SMPD3: variants seen among roughly 807,000 people sequenced by gnomAD.
SMPD3 encodes sphingomyelin phosphodiesterase 3, also known as nSMase-2.
In SMPD3, 21 loss-of-function variants were observed where a neutral mutation model predicts 55.7. The observed-to-expected ratio is 0.38, with a 90% confidence interval of 0.27 to 0.54. SMPD3 has a LOEUF of 0.54. Among genes scored for constraint, SMPD3 ranks in the 20% least tolerant of loss-of-function variants. The probability of loss-of-function intolerance (pLI) is 0.80; values close to 1 mark genes in which losing one functional copy is unlikely to be tolerated. For missense variants in SMPD3, 842 were observed against 899.6 expected (o/e 0.94, Z 0.82); for synonymous variants, 457 against 404.3 (o/e 1.13, Z -1.56).
intron 2 of SMPD3, among the ~76,000 whole-genome samples, chr16:68,378,325 A>G (rs2089869417): frequency 6.6e-6 from 1 of 151,996 alleles, no homozygotes; most frequent in South Asian, 2.1e-4. Context: ...ACTTAAGTCA[A>G]CTCGTGGCTG....
At position 68,371,185 on chromosome 16, in the gene SMPD3, C is replaced by T. The variant is rs1302477996; in HGVS notation, c.997G>A (p.Ala333Thr). ...LLYKASVVKK[A>T]AARRRRHPDE... The stretch of plus-strand genomic sequence containing the variant: ...GGGTGCCGCCTCCTGCGTGCAGCCG[C>T]CTTCTTCACCACCGAGGCCTTGTAC... Residue 333 changes from alanine (A) to threonine (T), a missense_variant, in exon 3 of 9, where the codon GCG becomes ACG. Transcript: ENST00000219334. 6.2e-7 allele frequency: 1 copy of T among 1,612,524 alleles called. No individual in the cohort carries two copies.
intron 1 of SMPD3, among the ~76,000 whole-genome samples, chr16:68,400,946 A>C (rs2090199912): frequency 6.6e-6 from 1 of 152,216 alleles, no homozygotes; most frequent in South Asian, 2.1e-4. Flanking sequence ...TAATCAGATT[A>C]TTGGATGCTT....
chr16:68,391,274 T>A (rs1421929281), intron 1 of SMPD3, among the ~76,000 whole-genome samples: 1 of 152,252 alleles, frequency 6.6e-6, no homozygotes, highest in Non-Finnish European at 1.5e-5. Flanking sequence ...GGAGATCAAC[T>A]TGACTGTAGA....
intron 1 of SMPD3, among the ~76,000 whole-genome samples, chr16:68,412,146 C>T (rs144844334): frequency 4.5e-4 from 68 of 152,210 alleles, no homozygotes; most frequent in Non-Finnish European, 8.1e-4. Flanking sequence ...AGGCCTGGGG[C>T]AACTTCCTAG....
chr16:68,386,758 G>C (rs1163065865), intron 1 of SMPD3, 99 bp from the exon 2 acceptor site: 1 of 152,330 alleles, frequency 6.6e-6, no homozygotes, highest in East Asian at 1.9e-4. Context: ...CAGGTACAAA[G>C]ACCAAGGGGC....
At chr16:68,398,755 A>G (rs909562570) in intron 1 of SMPD3, among the ~76,000 whole-genome samples, 6 of 152,220 alleles carry the variant, frequency 3.9e-5, no homozygotes, top group Non-Finnish European at 5.9e-5. Context: ...CCAAGTTTAG[A>G]AAGAAAAGCC....
chr16:68,424,098 G>A (rs935948909), intron 1 of SMPD3, among the ~76,000 whole-genome samples: 2 of 149,384 alleles, frequency 1.3e-5, no homozygotes, highest in Admixed American at 6.6e-5. Flanking sequence ...AGGGGGCCTA[G>A]GTGGTCCTAG....
chr16:68,407,225 G>A (rs932487601), intron 1 of SMPD3, among the ~76,000 whole-genome samples: 2 of 152,160 alleles, frequency 1.3e-5, no homozygotes, highest in African/African-American at 2.4e-5. Context: ...AGGGCATTTA[G>A]GGAAAACCAA....
Position 68,382,260 on chromosome 16 carries a change from G to T in SMPD3, c.-207+4338C>A, listed in dbSNP as rs372265839. ...GTCCAAGTGAGCCCTGTAGGGGAGG[G>T]GCAGGAGGCAACACTGGGGATCCTT... On this transcript the variant is annotated intron_variant, in intron 2 of 8. Transcript: ENST00000219334. The T allele has an allele frequency of 3.3e-5, 5 of 152,402 alleles. No individual in the cohort carries two copies. In the East Asian group the frequency reaches 9.6e-4, roughly 29 times the overall value. 9.4% of individuals were successfully genotyped at this position (152,402 alleles called of 1,614,324 possible).
In SMPD3 at chr16:68,361,758, C is replaced by T. The variant is rs370760321; in HGVS notation, c.1711G>A (p.Val571Ile). ...DVCTPDNLQK[V>I]LESEEGRREY... ...CTGCGGCCCTCCTCACTCTCCAGGACCCTGTCCACACATGCAGGAGGCAGG... is the reference window on the plus strand; with the variant it reads ...CTGCGGCCCTCCTCACTCTCCAGGATCCTGTCCACACATGCAGGAGGCAGG... The change falls in exon 8 of 9, where the codon GTC (valine) becomes ATC (isoleucine). Residue 571 changes from valine (V) to isoleucine (I), a missense_variant and splice_region_variant. Val to Ile is a conservative substitution (Grantham distance 29). Coordinates refer to ENST00000219334, the MANE Select transcript of SMPD3 (RefSeq NM_018667.4). 498 of 1,612,104 alleles carry T rather than the reference C, an allele frequency of 3.1e-4. 5 individuals are homozygous for T. In the South Asian group the frequency reaches 5.1e-3, roughly 16 times the overall value.
intron 2 of SMPD3, among the ~76,000 whole-genome samples, chr16:68,378,404 C>T (rs752770624): frequency 2.4e-4 from 36 of 152,178 alleles, no homozygotes; most frequent in Admixed American, 1.3e-3. Context: ...CGCTAATTCC[C>T]GAAAGCCACA....
At chr16:68,411,228 C>T (rs756043411) in intron 1 of SMPD3, among the ~76,000 whole-genome samples, 1 of 152,238 alleles carries the variant, frequency 6.6e-6, no homozygotes, top group Non-Finnish European at 1.5e-5. Flanking sequence ...GTTCTCCTGC[C>T]AGGACCACCT....
chr16:68,413,343 C>T (rs1185039231), intron 1 of SMPD3, among the ~76,000 whole-genome samples: 1 of 152,216 alleles, frequency 6.6e-6, no homozygotes, highest in Non-Finnish European at 1.5e-5. Context: ...GCTGTGAAGC[C>T]TTGCAGCTGG....
chr16:68,442,420 G>A (rs991747782), intron 1 of SMPD3, among the ~76,000 whole-genome samples: 3 of 152,196 alleles, frequency 2.0e-5, no homozygotes, highest in Non-Finnish European at 4.4e-5. Flanking sequence ...CTATAAGAAA[G>A]GACTTATCCC....
intron 1 of SMPD3, among the ~76,000 whole-genome samples, chr16:68,398,065 A>C (rs1290922930): frequency 6.6e-6 from 1 of 151,850 alleles, no homozygotes; most frequent in African/African-American, 2.4e-5. Flanking sequence ...GAGGGAGTCC[A>C]AGAGGTGGGT....
At position 68,361,607 on chromosome 16, in the gene SMPD3, T is replaced by C; in HGVS notation, c.1862A>G (p.Lys621Arg). ...HAEEGLCPDW[K>R]AEVEEFSFIT... ...TGCTGGGCCCTCCTGACTCACGGCC[T>C]TCCAGTCTGGGCACAGCCCCTCCTC... Residue 621 changes from lysine (K) to arginine (R), a missense_variant, in exon 8 of 9, where the codon AAG (lysine) becomes AGG (arginine). Transcript: ENST00000219334. The C allele has an allele frequency of 6.2e-7, 1 of 1,607,720 alleles. No homozygotes were observed.
At chr16:68,364,187 A>C (rs1477971688) in intron 5 of SMPD3, among the ~76,000 whole-genome samples, 2 of 152,220 alleles carry the variant, frequency 1.3e-5, no homozygotes, top group African/African-American at 2.4e-5. Flanking sequence ...TCCACAGATC[A>C]GTTATTTACA....
chr16:68,438,921 C>T (rs534474872), intron 1 of SMPD3, among the ~76,000 whole-genome samples: 6 of 152,294 alleles, frequency 3.9e-5, no homozygotes, highest in African/African-American at 7.2e-5. Flanking sequence ...TTACTGTCTG[C>T]GTGACCTTAA....
intron 1 of SMPD3, among the ~76,000 whole-genome samples, chr16:68,402,247 G>T (rs2090214672): frequency 6.6e-6 from 1 of 152,158 alleles, no homozygotes; most frequent in African/African-American, 2.4e-5. Context: ...ACCTCTGCAG[G>T]CCTCCATTTC....
Sources: gnomAD v4.1 joint callset for allele counts (sites outside exome capture counted in the v4.1 genomes callset) on GRCh38, gnomAD v4.1.1 for gene constraint, MANE v1.5 for transcripts, NCBI Gene and HGNC (gene_info 2026-07-23, HGNC 2026-07-21) for gene names.